ASIC2: variants seen among roughly 807,000 people sequenced by gnomAD.
The protein encoded by ASIC2 is acid-sensing ion channel 2.
ASIC2 carries 25 observed loss-of-function variants against 57.3 expected under a neutral mutation model. That is an observed-to-expected ratio of 0.44 (90% CI 0.32 to 0.61). ASIC2 has a LOEUF of 0.61. ASIC2 is among the 20% of genes least tolerant of loss of function. The probability of loss-of-function intolerance (pLI) is 0.06; values close to 1 mark genes in which losing one functional copy is unlikely to be tolerated. For synonymous variants in ASIC2, 319 were observed against 307.5 expected, an observed-to-expected ratio of 1.04 and a Z score of -0.39; for missense variants, 641 against 738.1, an observed-to-expected ratio of 0.87 and a Z score of 1.52.
chr17:33,389,072 G>A (rs1399889155), intron 1 of ASIC2, among the ~76,000 whole-genome samples: 1 of 152,206 alleles, frequency 6.6e-6, no homozygotes, highest in East Asian at 1.9e-4. Context: ...CAATACTCAT[G>A]CCTCAGCCAC....
intron 1 of ASIC2, among the ~76,000 whole-genome samples, chr17:33,131,177 C>T (rs757339768): frequency 1.3e-5 from 2 of 152,126 alleles, no homozygotes; most frequent in African/African-American, 4.8e-5. Flanking sequence ...GACTTGAAGA[C>T]CTGCTTCAAA....
intron 1 of ASIC2, among the ~76,000 whole-genome samples, chr17:33,560,275 A>C (rs549118083): frequency 3.3e-5 from 5 of 152,242 alleles, no homozygotes; most frequent in African/African-American, 1.2e-4. Context: ...GATAGCAAGC[A>C]TACCACTTGT....
chr17:33,427,669 C>A (rs1911263145), intron 1 of ASIC2, among the ~76,000 whole-genome samples: 1 of 152,316 alleles, frequency 6.6e-6, no homozygotes, highest in African/African-American at 2.4e-5. Context: ...AAGACAAAGG[C>A]AGAGCCTCAG....
chr17:33,672,579 G>T (rs138448440), intron 1 of ASIC2, among the ~76,000 whole-genome samples: 1 of 152,136 alleles, frequency 6.6e-6, no homozygotes, highest in Non-Finnish European at 1.5e-5. Context: ...GATTTCACTC[G>T]CTTGGATTAG....
rs1211582561 is a variant in ASIC2, at chr17:34,106,061, C to T, written c.555+49917G>A. On this transcript the variant is annotated intron_variant, in intron 1 of 9. Transcript: ENST00000359872. ...CCTTAAATAGTCTCGAATGTTTCCA[C>T]AGTCTTTCCTTATCTTTTATGACAA... Among the ~76,000 whole-genome samples the T allele has an allele frequency of 3.9e-5, 6 of 152,100 alleles. No homozygotes were observed. The East Asian group carries it at 1.2e-3, about 29-fold the overall frequency.
At chr17:33,842,378 C>T (rs1459947384) in intron 1 of ASIC2, among the ~76,000 whole-genome samples, 1 of 152,166 alleles carries the variant, frequency 6.6e-6, no homozygotes, top group Non-Finnish European at 1.5e-5. Flanking sequence ...CATTAAGATG[C>T]ATCTACCATA....
intron 1 of ASIC2, chr17:34,004,115 G>A (rs956546035): frequency 6.6e-6 from 1 of 152,122 alleles, no homozygotes; most frequent in African/African-American, 2.4e-5. Context: ...AGTTTGTTGA[G>A]TACTTTATCT....
At chr17:33,831,346 C>T (rs77275168) in intron 1 of ASIC2, among the ~76,000 whole-genome samples, 3,318 of 151,982 alleles carry the variant, frequency 0.022, 57 homozygotes, top group Middle Eastern at 0.034. Flanking sequence ...GCCTAATGAT[C>T]CCTCCCGGAT....
At chr17:33,919,291 A>G (rs146882005) in intron 1 of ASIC2, among the ~76,000 whole-genome samples, 10 of 152,206 alleles carry the variant, frequency 6.6e-5, no homozygotes, top group Non-Finnish European at 1.0e-4. Flanking sequence ...TGATGAGCCC[A>G]AAAACCCTAT....
At chr17:34,100,178 TTTC>T (rs964682231) in intron 1 of ASIC2, among the ~76,000 whole-genome samples, 15 of 80,256 alleles carry the variant, frequency 1.9e-4, no homozygotes, top group African/African-American at 1.1e-4. Flanking sequence ...TCTTCCTCTC[TTTC>T]TTGTTTTTTT....
intron 1 of ASIC2, among the ~76,000 whole-genome samples, chr17:33,843,048 G>A (rs1158688489): frequency 6.6e-6 from 1 of 152,182 alleles, no homozygotes; most frequent in African/African-American, 2.4e-5. Context: ...AAACAAACGG[G>A]CCCTCAGTGT....
chr17:34,093,002 G>C lies in ASIC2; in HGVS notation c.555+62976C>G, dbSNP rs146333367. Among the ~76,000 whole-genome samples, 263 of 152,272 alleles carry C rather than the reference G, an allele frequency of 1.7e-3. 1 individual carries two copies. The highest frequency in any genetic ancestry group is 6.2e-3 in the African/African-American group (258 of 41,552). ...ATTTTTTCCCCTCAACATTAGGTTT[G>C]TGTGATTTATCTGTGTTGACATATG... On this transcript the variant is annotated intron_variant, in intron 1 of 9. Transcript: ENST00000359872.
At chr17:33,863,821 C>T (rs1190153212) in intron 1 of ASIC2, among the ~76,000 whole-genome samples, 3 of 151,968 alleles carry the variant, frequency 2.0e-5, no homozygotes, top group African/African-American at 7.2e-5. Context: ...AGAGCCTTGG[C>T]AGACAACAAA....
intron 1 of ASIC2, among the ~76,000 whole-genome samples, chr17:33,750,985 G>T (rs2701474): frequency 1.3e-5 from 2 of 151,966 alleles, no homozygotes; most frequent in Non-Finnish European, 2.9e-5. Flanking sequence ...AATACAGATT[G>T]GGTTGCTGGG....
chr17:33,668,769 G>A (rs1483506161), intron 1 of ASIC2, among the ~76,000 whole-genome samples: 2 of 152,206 alleles, frequency 1.3e-5, no homozygotes, highest in African/African-American at 4.8e-5. Flanking sequence ...AGAGGAGTTA[G>A]TACATGTAAA....
chr17:33,490,491 C>T (rs952325499), intron 1 of ASIC2, among the ~76,000 whole-genome samples: 4 of 152,126 alleles, frequency 2.6e-5, no homozygotes, highest in Non-Finnish European at 4.4e-5. Flanking sequence ...AAGGGTGGGG[C>T]CAGGTGGAGA....
chr17:33,475,834 C>T (rs1349136847), intron 1 of ASIC2, among the ~76,000 whole-genome samples: 1 of 152,196 alleles, frequency 6.6e-6, no homozygotes, highest in Non-Finnish European at 1.5e-5. Context: ...GTCTCCTCCT[C>T]CCTTCCTGGG....
At chr17:33,480,396 G>A (rs1398880161) in intron 1 of ASIC2, among the ~76,000 whole-genome samples, 1 of 152,206 alleles carries the variant, frequency 6.6e-6, no homozygotes, top group Non-Finnish European at 1.5e-5. Flanking sequence ...TGAAGGACAG[G>A]AAGGAGCCAC....
chr17:33,662,624 AAAAT>A (rs71144895), intron 1 of ASIC2, among the ~76,000 whole-genome samples: 7,992 of 85,678 alleles, frequency 0.093, 311 homozygotes, highest in Middle Eastern at 0.13. Flanking sequence ...CTCTGTCTCA[AAAAT>A]AAATAAATAA....
Sources: gnomAD v4.1 joint callset for allele counts (sites outside exome capture counted in the v4.1 genomes callset) on GRCh38, gnomAD v4.1.1 for gene constraint, MANE v1.5 for transcripts, NCBI Gene and HGNC (gene_info 2026-07-23, HGNC 2026-07-21) for gene names.